Variants in GALNTL6 observed in about 807,000 individuals in gnomAD.
The protein encoded by GALNTL6 is polypeptide N-acetylgalactosaminyltransferase-like 6.
In GALNTL6, 46 loss-of-function variants were observed where a neutral mutation model predicts 73.7. That is an observed-to-expected ratio of 0.62 (90% CI 0.49 to 0.80). The LOEUF (loss-of-function observed/expected upper bound fraction) is 0.80. GALNTL6 is among the 30% of genes least tolerant of loss of function. GALNTL6 has a pLI of 0.00. For missense variants in GALNTL6, 604 were observed against 755.0 expected, an observed-to-expected ratio of 0.80 and a Z score of 2.34; for synonymous variants, 259 against 263.7, an observed-to-expected ratio of 0.98 and a Z score of 0.17.
At chr4:172,707,971 G>T (rs557549118) in intron 5 of GALNTL6, among the ~76,000 whole-genome samples, 1 of 152,202 alleles carries the variant, frequency 6.6e-6, no homozygotes, top group East Asian at 1.9e-4. Flanking sequence ...TGAGAAGAGG[G>T]ATCAAAGAAA....
intron 2 of GALNTL6, among the ~76,000 whole-genome samples, chr4:171,996,279 T>C (rs1740480761): frequency 1.3e-5 from 2 of 152,148 alleles, no homozygotes; most frequent in Admixed American, 1.3e-4. Context: ...CTAATGTGCA[T>C]TTCAAAAGCA....
At chr4:172,347,599 C>G (rs1741794398) in intron 4 of GALNTL6, among the ~76,000 whole-genome samples, 1 of 152,138 alleles carries the variant, frequency 6.6e-6, no homozygotes, top group African/African-American at 2.4e-5. Flanking sequence ...GAATTATAAG[C>G]AAAACATCTA....
chr4:172,292,024 C>T (rs1328862621), intron 3 of GALNTL6, among the ~76,000 whole-genome samples: 1 of 152,044 alleles, frequency 6.6e-6, no homozygotes, highest in East Asian at 1.9e-4. Flanking sequence ...TGTTCAAGTT[C>T]AACACTCACT....
At chr4:172,887,248 G>T (rs1745770394) in intron 8 of GALNTL6, among the ~76,000 whole-genome samples, 1 of 152,134 alleles carries the variant, frequency 6.6e-6, no homozygotes, top group East Asian at 1.9e-4. Context: ...TGGGCACATA[G>T]GTTGATTCCA....
At position 173,012,368 on chromosome 4, in the gene GALNTL6, G is replaced by A. The variant is rs369929607; in HGVS notation, c.1488+3074G>A. Among the ~76,000 whole-genome samples, 277 of 152,174 alleles carry A rather than the reference G, an allele frequency of 1.8e-3. 1 individual carries two copies. Among genetic ancestry groups the A allele is most frequent in the African/African-American group, 6.3e-3 (262 of 41,504 alleles). ...ACTGCCCCTCCCTGCCCTCTACCAC[G>A]CATTACAATGCAGAGCATCATGATG... On this transcript the variant is annotated intron_variant, in intron 11 of 12. Coordinates refer to ENST00000506823, the MANE Select transcript of GALNTL6 (RefSeq NM_001034845.3).
intron 2 of GALNTL6, among the ~76,000 whole-genome samples, chr4:172,014,823 A>G (rs1326213065): frequency 2.6e-5 from 4 of 152,104 alleles, no homozygotes; most frequent in African/African-American, 7.2e-5. Flanking sequence ...ATCATTCAAG[A>G]GCAGATTATT....
At chr4:172,121,014 G>A (rs559487013) in intron 2 of GALNTL6, among the ~76,000 whole-genome samples, 4 of 152,190 alleles carry the variant, frequency 2.6e-5, no homozygotes, top group South Asian at 2.1e-4. Context: ...TAATAACAGA[G>A]AGGGAGACTC....
chr4:172,358,833 AAAT>A (rs774304406), intron 5 of GALNTL6, among the ~76,000 whole-genome samples: 1 of 137,632 alleles, frequency 7.3e-6, no homozygotes, highest in Non-Finnish European at 1.6e-5. Flanking sequence ...AAAAATTCTA[AAAT>A]AATGATGGCT....
chr4:172,945,347 T>C (rs1245423379), intron 9 of GALNTL6, among the ~76,000 whole-genome samples: 1 of 152,232 alleles, frequency 6.6e-6, no homozygotes, highest in Non-Finnish European at 1.5e-5. Flanking sequence ...ATGTTCCTTA[T>C]CTTGATAGTG....
intron 2 of GALNTL6, among the ~76,000 whole-genome samples, chr4:172,225,190 A>G (rs1480471870): frequency 5.3e-5 from 8 of 151,984 alleles, no homozygotes; most frequent in Non-Finnish European, 1.0e-4. Context: ...AGAGACGCAA[A>G]TGGGTCTGGG....
At chr4:172,469,441 A>T (rs1732962058) in intron 5 of GALNTL6, among the ~76,000 whole-genome samples, 1 of 120,626 alleles carries the variant, frequency 8.3e-6, no homozygotes, top group Admixed American at 9.1e-5. Flanking sequence ...CCTCATCTCT[A>T]CAAAAAATAA....
At chr4:172,759,323 G>A (rs1737932205) in intron 5 of GALNTL6, among the ~76,000 whole-genome samples, 1 of 152,204 alleles carries the variant, frequency 6.6e-6, no homozygotes, top group Admixed American at 6.5e-5. Flanking sequence ...TTCAAGGTAG[G>A]TGTGACCATG....
chr4:172,067,321 C>G (rs1731396048), intron 2 of GALNTL6, among the ~76,000 whole-genome samples: 1 of 152,026 alleles, frequency 6.6e-6, no homozygotes, highest in South Asian at 2.1e-4. Context: ...TTCTCAGCAT[C>G]TCCCCTCTAC....
chr4:172,131,952 G>C (rs1283725458), intron 2 of GALNTL6, among the ~76,000 whole-genome samples: 1 of 151,966 alleles, frequency 6.6e-6, no homozygotes, highest in Non-Finnish European at 1.5e-5. Context: ...CTGTTTTGTA[G>C]AGCAAAGCTC....
chr4:172,300,867 A>C (rs1739888155), intron 3 of GALNTL6, among the ~76,000 whole-genome samples: 1 of 151,862 alleles, frequency 6.6e-6, no homozygotes, highest in Non-Finnish European at 1.5e-5. Context: ...CTTCTCGAGG[A>C]GTATCTTTGT....
chr4:172,857,018 T>C (rs898996957), intron 7 of GALNTL6, among the ~76,000 whole-genome samples: 3 of 152,206 alleles, frequency 2.0e-5, no homozygotes, highest in Admixed American at 6.5e-5. Context: ...TCATCCTATT[T>C]GCCACTGTTT....
chr4:172,026,722 A>T (rs79252533), intron 2 of GALNTL6, among the ~76,000 whole-genome samples: 16,178 of 151,996 alleles, frequency 0.11, 1,019 homozygotes, highest in East Asian at 0.17. Context: ...GAGTGGATTG[A>T]CTCAGTTTGA....
intron 5 of GALNTL6, among the ~76,000 whole-genome samples, chr4:172,474,897 A>C (rs1290521096): frequency 6.6e-6 from 1 of 152,232 alleles, no homozygotes; most frequent in Non-Finnish European, 1.5e-5. Context: ...CATTAATGCA[A>C]AACTTATTGC....
At chr4:172,012,942 C>T (rs1741066504) in intron 2 of GALNTL6, among the ~76,000 whole-genome samples, 1 of 151,986 alleles carries the variant, frequency 6.6e-6, no homozygotes, top group African/African-American at 2.4e-5. Flanking sequence ...TGGTACAACC[C>T]TGTGTTGTCA....
Sources: allele counts gnomAD v4.1 joint callset (sites outside exome capture counted in the v4.1 genomes callset), GRCh38; gene constraint gnomAD v4.1.1; transcripts MANE v1.5; gene names NCBI Gene and HGNC (gene_info 2026-07-23, HGNC 2026-07-21).